SLC36A1: variants seen among roughly 807,000 people sequenced by gnomAD.
The protein encoded by SLC36A1 is proton-coupled amino acid transporter 1.
In SLC36A1, 30 loss-of-function variants were observed where a neutral mutation model predicts 47.5. The observed-to-expected ratio is 0.63, with a 90% CI of 0.47 to 0.86. The LOEUF is 0.86. SLC36A1 is among the 40% of genes least tolerant of loss of function. SLC36A1 has a pLI of 0.00. For missense variants in SLC36A1, 517 were observed against 606.0 expected, an observed-to-expected ratio of 0.85 and a Z score of 1.54; for synonymous variants, 255 against 249.7, an observed-to-expected ratio of 1.02 and a Z score of -0.20.
chr5:151,426,982 A>C, the SLC36A1 span, among the ~76,000 whole-genome samples: 1 of 152,250 alleles, frequency 6.6e-6, no homozygotes, highest in African/African-American at 2.4e-5. Context: ...TCAACACAGC[A>C]CATGGTTCTG....
At chr5:151,407,608 C>T in the SLC36A1 span, among the ~76,000 whole-genome samples, 2 of 151,954 alleles carry the variant, frequency 1.3e-5, no homozygotes, top group Non-Finnish European at 2.9e-5. Flanking sequence ...TCCAAGTCCC[C>T]ACCCGACCCA....
intron 10 of SLC36A1, among the ~76,000 whole-genome samples, chr5:151,483,178 G>C (rs1759041343): frequency 6.6e-6 from 1 of 152,220 alleles, no homozygotes; most frequent in Non-Finnish European, 1.5e-5. Flanking sequence ...GTTCGCTTTT[G>C]TTCTTTTCAG....
At chr5:151,537,707 C>A in the SLC36A1 span, 5 of 1,353,856 alleles carry the variant, frequency 3.7e-6, no homozygotes, top group African/African-American at 1.5e-5. Flanking sequence ...ATTCCTGTTT[C>A]TTCTCCAAGG....
chr5:151,472,586 G>A (rs564422824), intron 7 of SLC36A1, among the ~76,000 whole-genome samples: 2 of 151,964 alleles, frequency 1.3e-5, no homozygotes, highest in South Asian at 4.2e-4. Flanking sequence ...CATTCTTTTT[G>A]CTCCTCCTCC....
chr5:151,347,603 C>T, the SLC36A1 span: 7 of 955,002 alleles, frequency 7.3e-6, no homozygotes, highest in South Asian at 1.5e-5. Flanking sequence ...AACGAGGCCC[C>T]GCCCACCTCC....
chr5:151,479,250 T>G, intron 9 of SLC36A1, 70 bp from the exon 10 acceptor site: 1 of 1,529,304 alleles, frequency 6.5e-7, no homozygotes, highest in Non-Finnish European at 9.0e-7. Context: ...AATGGGACCA[T>G]TTTGCACTCT....
chr5:151,465,209 G>C, intron 5 of SLC36A1, 40 bp downstream of exon 5: 2 of 1,478,324 alleles, frequency 1.4e-6, no homozygotes, highest in Non-Finnish European at 1.9e-6. Flanking sequence ...TGGCCTCCCA[G>C]TGTGAGGCCT....
At chr5:151,432,465 C>A (rs191466312), upstream of SLC36A1, among the ~76,000 whole-genome samples, 12 of 152,280 alleles carry the variant, frequency 7.9e-5, no homozygotes, top group Middle Eastern at 3.4e-3. Context: ...CCTCACCCCC[C>A]TCATATTCAC....
At chr5:151,372,520 T>G in the SLC36A1 span, among the ~76,000 whole-genome samples, 1 of 152,152 alleles carries the variant, frequency 6.6e-6, no homozygotes, top group East Asian at 1.9e-4. Context: ...TACAATGCAC[T>G]GCGTCCTGGA....
At chr5:151,384,993 T>G in the SLC36A1 span, among the ~76,000 whole-genome samples, 56,805 of 130,934 alleles carry the variant, frequency 0.43, 13,580 homozygotes, top group African/African-American at 0.65. Context: ...TGTGGGTGTG[T>G]GAGAGAGAGA....
chr5:151,472,128 A>G (rs1417414330), intron 7 of SLC36A1, among the ~76,000 whole-genome samples: 1 of 152,250 alleles, frequency 6.6e-6, no homozygotes, highest in Non-Finnish European at 1.5e-5. Context: ...GAGTTTATTA[A>G]GGAATATTAA....
At chr5:151,502,051 C>T in the SLC36A1 span, among the ~76,000 whole-genome samples, 1 of 148,386 alleles carries the variant, frequency 6.7e-6, no homozygotes, top group South Asian at 2.1e-4. Context: ...GTGGCTCATG[C>T]CTGTAATCTC....
At chr5:151,375,069 C>T in the SLC36A1 span, among the ~76,000 whole-genome samples, 1 of 152,160 alleles carries the variant, frequency 6.6e-6, no homozygotes, top group Admixed American at 6.5e-5. Context: ...TTAATTAAGT[C>T]CCATTTGTCT....
chr5:151,554,125 TTCTC>T, the SLC36A1 span, among the ~76,000 whole-genome samples: 1 of 152,194 alleles, frequency 6.6e-6, no homozygotes, highest in Admixed American at 6.5e-5. Flanking sequence ...CACTAAATCC[TTCTC>T]TCTAAGAATA....
At chr5:151,476,064 A>G (rs1005495606) in intron 8 of SLC36A1, among the ~76,000 whole-genome samples, 3 of 152,260 alleles carry the variant, frequency 2.0e-5, no homozygotes, top group African/African-American at 7.2e-5. Flanking sequence ...GAGATCCTCT[A>G]CGAAGTCATG....
upstream of SLC36A1, among the ~76,000 whole-genome samples, chr5:151,432,180 G>A (rs569767078): frequency 6.6e-6 from 1 of 152,262 alleles, no homozygotes; most frequent in East Asian, 1.9e-4. Context: ...CCCTGGAGGC[G>A]ATGAACTTGG....
At chr5:151,363,716 T>G in the SLC36A1 span, among the ~76,000 whole-genome samples, 2 of 152,332 alleles carry the variant, frequency 1.3e-5, no homozygotes, top group South Asian at 4.1e-4. Flanking sequence ...ATGTCATGAT[T>G]TTATTTGCTT....
chr5:151,543,265 G>T, the SLC36A1 span: 8 of 1,614,200 alleles, frequency 5.0e-6, no homozygotes, highest in Non-Finnish European at 6.8e-6. Context: ...CACTGAGTAG[G>T]TGACATCTGC....
At chr5:151,544,301 C>G in the SLC36A1 span, 4 of 1,614,152 alleles carry the variant, frequency 2.5e-6, no homozygotes, top group Non-Finnish European at 3.4e-6. Flanking sequence ...GTGGTATAGA[C>G]CAATTGGGAA....
Sources: gnomAD v4.1 joint callset for allele counts (sites outside exome capture counted in the v4.1 genomes callset) on GRCh38, gnomAD v4.1.1 for gene constraint, MANE v1.5 for transcripts, NCBI Gene and HGNC (gene_info 2026-07-23, HGNC 2026-07-21) for gene names.